Variants in IGSF10 observed in about 807,000 individuals in gnomAD.
IGSF10 encodes the protein calvaria mechanical force protein 608.
A neutral mutation model predicts 128.2 loss-of-function variants in IGSF10; 126 were observed. The ratio of observed to expected loss-of-function variants is 0.98; its 90% confidence interval spans 0.85 to 1.14. IGSF10 has a LOEUF of 1.14. IGSF10 is among the 50% of genes most tolerant of loss of function. The pLI is 0.00. For missense variants in IGSF10, 3,295 were observed against 3,149.8 expected (o/e 1.05, Z -1.10); for synonymous variants, 1,185 against 1,146.2 (o/e 1.03, Z -0.68).
At chr3:151,506,875 A>G in the IGSF10 span, among the ~76,000 whole-genome samples, 1 of 152,236 alleles carries the variant, frequency 6.6e-6, no homozygotes, top group Non-Finnish European at 1.5e-5. Flanking sequence ...TGTGAGAGCT[A>G]TAAAATCTGC....
chr3:151,447,577 G>C lies in IGSF10; in HGVS notation c.2404C>G (p.Leu802Val), dbSNP rs772104583. Reference sequence around the variant, plus strand: ...GCCGGGACCATAAATTCCTCATGTAGAGCGAGCATGCCTGAGGAATCGTCT... The same window carrying C: ...GCCGGGACCATAAATTCCTCATGTACAGCGAGCATGCCTGAGGAATCGTCT... Reference protein sequence around the residue: ...EEDDSSGMLALHEEFMVPATK... With the variant: ...EEDDSSGMLAVHEEFMVPATK... The change falls in exon 6 of 8, where the codon CTA (leucine) becomes GTA (valine). Residue 802 changes from leucine to valine, a missense_variant. Physicochemically the swap from Leu to Val is conservative, Grantham distance 32. Coordinates refer to ENST00000282466, the MANE Select transcript of IGSF10 (RefSeq NM_178822.5). 23 of 1,614,070 alleles carry C rather than the reference G, an allele frequency of 1.4e-5. No homozygotes were observed. Among genetic ancestry groups the C allele is most frequent in the Middle Eastern group, 1.6e-4 (1 of 6,084 alleles).
the IGSF10 span, among the ~76,000 whole-genome samples, chr3:151,514,206 A>C: frequency 6.6e-6 from 1 of 152,266 alleles, no homozygotes; most frequent in Middle Eastern, 3.4e-3. Context: ...GCATCAAGCT[A>C]CCTGACTTCA....
chr3:151,458,453 A>AG (rs993936485), intron 3 of IGSF10, 63 bp downstream of exon 3: 7 of 1,191,010 alleles, frequency 5.9e-6, no homozygotes, highest in Non-Finnish European at 7.0e-6. Flanking sequence ...TAGATGTTTG[A>AG]GGGACAAGTC....
chr3:151,619,718 A>C, the IGSF10 span, among the ~76,000 whole-genome samples: 1 of 152,134 alleles, frequency 6.6e-6, no homozygotes, highest in Non-Finnish European at 1.5e-5. Context: ...GAGAGGTGGA[A>C]TATTTGGGAG....
the IGSF10 span, among the ~76,000 whole-genome samples, chr3:151,550,140 TA>T: frequency 6.6e-6 from 1 of 152,320 alleles, no homozygotes; most frequent in South Asian, 2.1e-4. Flanking sequence ...ATTTGTCTTA[TA>T]TTTTGACTCT....
At chr3:151,468,036 G>T in the IGSF10 span, among the ~76,000 whole-genome samples, 1 of 152,214 alleles carries the variant, frequency 6.6e-6, no homozygotes, top group Non-Finnish European at 1.5e-5. Context: ...TGAGATTACA[G>T]AACTCGCTTA....
chr3:151,601,698 T>C, the IGSF10 span, among the ~76,000 whole-genome samples: 25 of 151,320 alleles, frequency 1.7e-4, 1 homozygote, highest in Admixed American at 1.2e-3. Context: ...TGATTCTTTC[T>C]GTCAATAAGT....
the IGSF10 span, among the ~76,000 whole-genome samples, chr3:151,535,144 CAGT>C: frequency 6.6e-6 from 1 of 152,090 alleles, no homozygotes; most frequent in Non-Finnish European, 1.5e-5. Flanking sequence ...ACATCTGACA[CAGT>C]GCAAAAACAA....
At chr3:151,608,420 G>A in the IGSF10 span, among the ~76,000 whole-genome samples, 2 of 152,166 alleles carry the variant, frequency 1.3e-5, no homozygotes, top group South Asian at 4.1e-4. Context: ...CACAAAAAAG[G>A]ACTCAATTTT....
the IGSF10 span, among the ~76,000 whole-genome samples, chr3:151,491,941 T>G: frequency 4.6e-5 from 7 of 152,138 alleles, no homozygotes; most frequent in Non-Finnish European, 1.0e-4. Flanking sequence ...AAAGATTATA[T>G]GTCATGATTA....
chr3:151,617,758 G>A, the IGSF10 span, among the ~76,000 whole-genome samples: 1 of 152,230 alleles, frequency 6.6e-6, no homozygotes, highest in South Asian at 2.1e-4. Flanking sequence ...TTAATCCCCA[G>A]TGTAACAGTA....
At chr3:151,511,237 G>T in the IGSF10 span, among the ~76,000 whole-genome samples, 2 of 152,286 alleles carry the variant, frequency 1.3e-5, no homozygotes, top group Admixed American at 6.5e-5. Context: ...ACCCACAAAG[G>T]GAAGCCCATC....
the IGSF10 span, among the ~76,000 whole-genome samples, chr3:151,505,077 T>A: frequency 6.6e-6 from 1 of 152,170 alleles, no homozygotes; most frequent in African/African-American, 2.4e-5. Context: ...TTTTTGGGTA[T>A]CCCTATAGTA....
rs981286538 is a variant in IGSF10, at chr3:151,445,300, G to A, written c.4681C>T (p.Gln1561Ter). 2 of 1,614,198 alleles carry A rather than the reference G, an allele frequency of 1.2e-6. No homozygotes were observed. The highest frequency in any genetic ancestry group is 1.7e-6 in the Non-Finnish European group (2 of 1,180,024). Residue 1561 changes from glutamine to a stop codon, truncating the protein, a stop_gained, in exon 6 of 8, where the codon CAG becomes TAG. Coordinates refer to ENST00000282466, the MANE Select transcript of IGSF10 (RefSeq NM_178822.5). LOFTEE classifies it high-confidence loss of function. ...GGAGATGGAGTTAATTTAGAATTCTGTGATTTAACTGTTGTTAGTGCTGGC... is the reference window on the plus strand; with the variant it reads ...GGAGATGGAGTTAATTTAGAATTCTATGATTTAACTGTTGTTAGTGCTGGC... The part of the protein sequence containing the change: ...PMPALTTVKS[Q>*]NSKLTPSPWA...
the IGSF10 span, among the ~76,000 whole-genome samples, chr3:151,616,991 C>G: frequency 1.3e-5 from 2 of 152,126 alleles, no homozygotes; most frequent in Non-Finnish European, 2.9e-5. Context: ...CTGCCTGAAG[C>G]CTTTAGGGCC....
At position 151,453,451 on chromosome 3, in the gene IGSF10, C is replaced by T. The variant is rs371529312; in HGVS notation, c.648G>A (p.Leu216=). The change falls in exon 5 of 8, where the codon CTG becomes CTA. Residue 216 remains leucine (L), a synonymous_variant. Coordinates refer to ENST00000282466, the MANE Select transcript of IGSF10 (RefSeq NM_178822.5). ...SYMPDLDSLY[L]HGNPWTCDCH... ...AATCACAGGTCCATGGGTTTCCATGCAGGTAAAGGCTGTCTAGGTCAGGCA... is the reference window on the plus strand; with the variant it reads ...AATCACAGGTCCATGGGTTTCCATGTAGGTAAAGGCTGTCTAGGTCAGGCA... 6.2e-7 allele frequency: 1 copy of T among 1,613,042 alleles called. No homozygotes were observed. Among genetic ancestry groups the T allele is most frequent in the Admixed American group, 1.7e-5 (1 of 59,822 alleles).
the IGSF10 span, among the ~76,000 whole-genome samples, chr3:151,485,399 C>A: frequency 6.6e-6 from 1 of 152,136 alleles, no homozygotes; most frequent in Non-Finnish European, 1.5e-5. Context: ...TCCAGGAGAA[C>A]TTCCCCAATC....
chr3:151,516,642 G>C, the IGSF10 span, among the ~76,000 whole-genome samples: 9 of 151,904 alleles, frequency 5.9e-5, no homozygotes, highest in African/African-American at 2.2e-4. Flanking sequence ...TCTTCTAGAA[G>C]GGCATCATTT....
the IGSF10 span, among the ~76,000 whole-genome samples, chr3:151,491,187 A>G: frequency 6.6e-6 from 1 of 152,202 alleles, no homozygotes; most frequent in Admixed American, 6.5e-5. Context: ...CCTCAAAAAT[A>G]AAAAGCATCA....
Sources: allele counts gnomAD v4.1 joint callset (sites outside exome capture counted in the v4.1 genomes callset), GRCh38; gene constraint gnomAD v4.1.1; transcripts MANE v1.5; gene names NCBI Gene and HGNC (gene_info 2026-07-23, HGNC 2026-07-21).